The following ANPEP variants were observed in gnomAD, a reference collection of about 807,000 sequenced individuals.
ANPEP encodes alanyl aminopeptidase, membrane, also known as aminopeptidase N.
In ANPEP, 70 loss-of-function variants were observed where a neutral mutation model predicts 114.6. That is an observed-to-expected ratio of 0.61 (90% CI 0.50 to 0.75). The LOEUF is 0.75. Ranked by LOEUF, ANPEP falls within the 30% of genes least tolerant of loss-of-function variation. The pLI is 0.00. For synonymous variants in ANPEP, 548 were observed against 522.3 expected (o/e 1.05, Z -0.67); for missense variants, 1,184 against 1,259.5 (o/e 0.94, Z 0.91).
chr15:89,807,833 G>C (rs753129616), intron 1 of ANPEP, among the ~76,000 whole-genome samples: 1 of 152,106 alleles, frequency 6.6e-6, no homozygotes, highest in Non-Finnish European at 1.5e-5. Flanking sequence ...TATGTTCATT[G>C]TCACTTTCCC....
At position 89,803,100 on chromosome 15, in the gene ANPEP, C is replaced by T. The variant is rs549544138; in HGVS notation, c.1569+139G>A. 9.4e-6 allele frequency: 9 copies of T among 953,586 alleles called. No individual in the cohort carries two copies. Among genetic ancestry groups the T allele is most frequent in the Admixed American group, 9.2e-5 (5 of 54,274 alleles). The allele number at this position is 953,586 out of a possible 1,614,324, so 59.1% of individuals were successfully genotyped here. A position where few individuals can be genotyped will look rare whatever the true frequency, so the allele number is the denominator to read the frequency against. ...TCCCGGCTTCCACTATAGGGAGGAG[C>T]AACAGAGGCTCCATCCACCCTGCAG... On this transcript the variant is annotated intron_variant, in intron 10 of 20. Transcript: ENST00000300060. The surrounding 1 kb of genome is among the most constrained non-coding windows in gnomAD (Gnocchi z 4.2).
intron 20 of ANPEP, among the ~76,000 whole-genome samples, chr15:89,789,554 CTTGAGGTCAGGAGTTCGAGACCA>C (rs1369580995): frequency 6.6e-6 from 1 of 151,174 alleles, no homozygotes; most frequent in Admixed American, 6.6e-5. Context: ...GGGTGGATCA[CTTGAGGTCAGGAGTTCGAGACCA>C]GCCTGGCCAA....
chr15:89,794,852 A>C (rs535699350), intron 15 of ANPEP, among the ~76,000 whole-genome samples: 106 of 152,308 alleles, frequency 7.0e-4, no homozygotes, highest in Middle Eastern at 3.4e-3. Context: ...ACTCTCTGGA[A>C]AAACTGCCTT....
At chr15:89,813,991 T>TGGGGCG (rs1555442937) in intron 1 of ANPEP, among the ~76,000 whole-genome samples, 1 of 111,710 alleles carries the variant, frequency 9.0e-6, no homozygotes, top group Non-Finnish European at 1.8e-5. Context: ...ACCGCACTGC[T>TGGGGCG]GGGGGGGGGG....
intron 1 of ANPEP, among the ~76,000 whole-genome samples, chr15:89,812,069 G>A (rs1894825593): frequency 6.6e-6 from 1 of 152,234 alleles, no homozygotes; most frequent in African/African-American, 2.4e-5. Context: ...TGTGGGTGGG[G>A]AGAGGCTCCT....
At chr15:89,790,385 T>C (rs8192299) in intron 20 of ANPEP, 75 bp downstream of exon 20, 437,787 of 1,400,690 alleles carry the variant, frequency 0.31, 69,407 homozygotes, top group African/African-American at 0.35. Flanking sequence ...CAGGGCCACG[T>C]GGGAGAAGAA....
At chr15:89,788,316 C>T (rs193024860) in intron 20 of ANPEP, among the ~76,000 whole-genome samples, 7 of 152,244 alleles carry the variant, frequency 4.6e-5, no homozygotes, top group East Asian at 1.9e-4. Flanking sequence ...TCCCTGCTAC[C>T]GTATGCATGA....
chr15:89,801,117 C>A lies in ANPEP; in HGVS notation c.1813G>T (p.Val605Leu), dbSNP rs140909814. ...TAAGGCAGGGCTGGATTACCTCTTA[C>A]ATCTATCAGCCAGTAGTCCTGCTGC... The part of the protein sequence containing the change: ...RQQQDYWLID[V>L]RAQNDLFSTS... Residue 605 changes from valine (V) to leucine (L), a missense_variant, in exon 12 of 21, where the codon GTA becomes TTA. Coordinates refer to ENST00000300060, the MANE Select transcript of ANPEP (RefSeq NM_001150.3). 2.5e-6 allele frequency: 4 copies of A among 1,613,980 alleles called. No individual in the cohort carries two copies. The African/African-American group carries it at 5.3e-5, about 22-fold the overall frequency.
In ANPEP at chr15:89,799,352, C is replaced by G. The variant is rs532595616; in HGVS notation, c.1954-37G>C. The G allele has an allele frequency of 6.2e-7, 1 of 1,614,154 alleles. No homozygotes were observed. The highest frequency in any genetic ancestry group is 1.1e-5 in the South Asian group (1 of 91,082). ...AGCACAGCATGTGACCATGGGTTGG[C>G]TGTGGGTGGCAGGCCTTGCAGTCTG... On this transcript the variant is annotated intron_variant, in intron 13 of 20. Transcript: ENST00000300060. This position sits in a 1 kb window ranked among gnomAD's most constrained non-coding sequence, Gnocchi z 4.2.
rs181808472 is a variant in ANPEP at position 89,805,861 on chromosome 15, C to T, written c.614+109G>A. On this transcript the variant is annotated intron_variant, in intron 2 of 20. Coordinates refer to ENST00000300060, the MANE Select transcript of ANPEP (RefSeq NM_001150.3). The stretch of plus-strand genomic sequence containing the variant: ...GGTGAAGCAATGGGCCAGTCTCGGG[C>T]TCCACAGGGTTCAAAGGCCTGCAAG... 640 of 1,433,820 alleles carry T rather than the reference C, an allele frequency of 4.5e-4. 3 individuals carry two copies. The East Asian group carries it at 0.013, about 29-fold the overall frequency. The allele number at this position is 1,433,820 out of a possible 1,614,324, so 88.8% of individuals were successfully genotyped here.
At chr15:89,807,483 G>A (rs1044655938) in intron 1 of ANPEP, among the ~76,000 whole-genome samples, 12 of 152,248 alleles carry the variant, frequency 7.9e-5, no homozygotes, top group South Asian at 4.1e-4. Flanking sequence ...GGTGGATCAC[G>A]AGGTTAGGAG....
At chr15:89,814,191 A>G (rs560124892) in intron 1 of ANPEP, among the ~76,000 whole-genome samples, 2 of 152,330 alleles carry the variant, frequency 1.3e-5, no homozygotes, top group South Asian at 4.1e-4. Flanking sequence ...GCCGGGTTGT[A>G]GGAGCGAGGG....
At chr15:89,789,935 T>G (rs1343335395) in intron 20 of ANPEP, among the ~76,000 whole-genome samples, 1 of 151,722 alleles carries the variant, frequency 6.6e-6, no homozygotes, top group Admixed American at 6.6e-5. Flanking sequence ...GGCGGGCACT[T>G]GTAGTCCCAG....
At chr15:89,802,061 T>C (rs1420044440) in intron 10 of ANPEP, among the ~76,000 whole-genome samples, 4 of 152,168 alleles carry the variant, frequency 2.6e-5, no homozygotes, top group Non-Finnish European at 5.9e-5. Flanking sequence ...GGCACTGTTG[T>C]TGTCTTCTTG....
chr15:89,793,202 TGG>T (rs554235146), intron 15 of ANPEP, 76 bp from the exon 16 acceptor site: 7 of 1,355,416 alleles, frequency 5.2e-6, no homozygotes, highest in Non-Finnish European at 7.3e-6. Flanking sequence ...CCTCTGATGT[TGG>T]GGGGCAGGCG....
chr15:89,801,676 T>A, intron 10 of ANPEP, 69 bp from the exon 11 acceptor site: 1 of 1,558,664 alleles, frequency 6.4e-7, no homozygotes, highest in Non-Finnish European at 8.7e-7. Context: ...GGGCATCTCC[T>A]GCAGATTCTC....
Position 89,806,284 on chromosome 15 carries a change from C to T in ANPEP, c.300G>A (p.Leu100=). ...CGGTGCTGGAGCCCTTAAAAACGTA[C>T]AGGCCCCTGTCATTGGGGGTGAGGT... ...RPYLTPNDRG[L]YVFKGSSTVR... Residue 100 remains leucine (L), a synonymous_variant, in exon 2 of 21, where the codon CTG becomes CTA. Coordinates refer to ENST00000300060, the MANE Select transcript of ANPEP (RefSeq NM_001150.3). This position sits in a 1 kb window ranked among gnomAD's most constrained non-coding sequence, Gnocchi z 5.7. 3 of 1,614,164 alleles carry T rather than the reference C, an allele frequency of 1.9e-6. No individual in the cohort carries two copies. Among genetic ancestry groups the T allele is most frequent in the Non-Finnish European group, 2.5e-6 (3 of 1,180,046 alleles).
In ANPEP at chr15:89,811,369, G is replaced by A. The variant is rs140660025; in HGVS notation, c.-224+3403C>T. On this transcript the variant is annotated intron_variant, in intron 1 of 20. Coordinates refer to ENST00000300060, the MANE Select transcript of ANPEP (RefSeq NM_001150.3). ...TTGGTTTAAAAATTGTTCCTGGGCC[G>A]GGCGTGTTGGCTCATGCTTGTAATC... Among the ~76,000 whole-genome samples, 80 of 152,144 alleles carry A rather than the reference G, an allele frequency of 5.3e-4. 1 individual carries two copies. The highest frequency in any genetic ancestry group is 1.4e-3 in the African/African-American group (58 of 41,488).
At chr15:89,812,444 G>A (rs1267314834) in intron 1 of ANPEP, among the ~76,000 whole-genome samples, 2 of 152,238 alleles carry the variant, frequency 1.3e-5, no homozygotes, top group African/African-American at 2.4e-5. Context: ...TCACCCCAGG[G>A]TGCTTCCTCT....
Sources: allele counts gnomAD v4.1 joint callset (sites outside exome capture counted in the v4.1 genomes callset), GRCh38; gene constraint gnomAD v4.1.1; non-coding constraint Gnocchi (gnomAD v3.1); transcripts MANE v1.5; gene names NCBI Gene and HGNC (gene_info 2026-07-23, HGNC 2026-07-21).